Variants in ERC2 observed in about 807,000 individuals in gnomAD.
The protein encoded by ERC2 is ELKS/RAB6-interacting/CAST family member 2.
A neutral mutation model predicts 114.8 loss-of-function variants in ERC2; 42 were observed. That is an observed-to-expected ratio of 0.37 (90% CI 0.29 to 0.47). The LOEUF is 0.47. Among genes scored for constraint, ERC2 ranks in the 20% least tolerant of loss-of-function variants. The pLI is 0.99. For synonymous variants in ERC2, 454 were observed against 425.5 expected (o/e 1.07, Z -0.82); for missense variants, 939 against 1,150.7 (o/e 0.82, Z 2.66).
intron 16 of ERC2, among the ~76,000 whole-genome samples, chr3:55,693,544 G>C (rs1055997725): frequency 3.9e-5 from 6 of 152,130 alleles, no homozygotes; most frequent in African/African-American, 1.4e-4. Context: ...ATAGAAGCAG[G>C]AGAGTTTGCA....
At chr3:55,932,486 C>T (rs540162028) in intron 13 of ERC2, among the ~76,000 whole-genome samples, 1 of 152,110 alleles carries the variant, frequency 6.6e-6, no homozygotes, top group East Asian at 1.9e-4. Flanking sequence ...AGGCTGTGCT[C>T]GTTCTCACCT....
intron 6 of ERC2, among the ~76,000 whole-genome samples, chr3:56,100,359 C>T (rs2078286425): frequency 1.3e-5 from 2 of 152,080 alleles, no homozygotes; most frequent in African/African-American, 4.8e-5. Flanking sequence ...TACCAATGCC[C>T]TCTGATGACC....
chr3:55,550,720 A>G (rs58925976), intron 17 of ERC2, among the ~76,000 whole-genome samples: 10,834 of 152,204 alleles, frequency 0.071, 573 homozygotes, highest in African/African-American at 0.14. Context: ...AAACAGATAT[A>G]ATTTAAGAAA....
chr3:55,563,098 G>T (rs72870459), intron 17 of ERC2, among the ~76,000 whole-genome samples: 1,730 of 152,254 alleles, frequency 0.011, 34 homozygotes, highest in African/African-American at 0.039. Flanking sequence ...CAAGGAAAAG[G>T]CCTGAATATC....
At chr3:56,052,068 G>T (rs1365617164) in intron 7 of ERC2, among the ~76,000 whole-genome samples, 1 of 152,096 alleles carries the variant, frequency 6.6e-6, no homozygotes, top group Non-Finnish European at 1.5e-5. Flanking sequence ...CGCTTTAAAA[G>T]AAACTACAAA....
At chr3:56,004,798 T>G (rs562791711) in intron 10 of ERC2, among the ~76,000 whole-genome samples, 129 of 152,138 alleles carry the variant, frequency 8.5e-4, no homozygotes, top group African/African-American at 3.0e-3. Flanking sequence ...CAGCTTTCAT[T>G]TAGTAAACTT....
chr3:55,799,319 ATTTTCCTTC>A (rs962991622), intron 14 of ERC2, among the ~76,000 whole-genome samples: 40 of 149,894 alleles, frequency 2.7e-4, no homozygotes, highest in African/African-American at 9.1e-4. Flanking sequence ...GTGTGTGTAG[ATTTTCCTTC>A]TTTTCCTTCG....
At chr3:55,536,258 T>C (rs2053994333) in intron 17 of ERC2, among the ~76,000 whole-genome samples, 1 of 152,140 alleles carries the variant, frequency 6.6e-6, no homozygotes, top group South Asian at 2.1e-4. Flanking sequence ...AAACTCACTG[T>C]CCAGACCTCA....
intron 2 of ERC2, among the ~76,000 whole-genome samples, chr3:56,347,071 A>C (rs570317064): frequency 1.3e-5 from 2 of 152,296 alleles, no homozygotes; most frequent in South Asian, 4.1e-4. Flanking sequence ...CTTGCAGTGT[A>C]TTACAAAGAA....
intron 10 of ERC2, among the ~76,000 whole-genome samples, chr3:55,997,167 C>T (rs764776862): frequency 6.4e-4 from 98 of 152,174 alleles, no homozygotes; most frequent in Admixed American, 2.2e-3. Flanking sequence ...TCAAAATAAA[C>T]AAATAATTAA....
At chr3:56,345,776 A>G (rs1219782148) in intron 2 of ERC2, among the ~76,000 whole-genome samples, 1 of 152,210 alleles carries the variant, frequency 6.6e-6, no homozygotes, top group Non-Finnish European at 1.5e-5. Context: ...CCCCACATGC[A>G]TGCCCACACT....
intron 13 of ERC2, among the ~76,000 whole-genome samples, chr3:55,890,065 A>C (rs1262719955): frequency 6.6e-6 from 1 of 152,210 alleles, no homozygotes; most frequent in Non-Finnish European, 1.5e-5. Context: ...AAAGTGACAA[A>C]ACCACCCCTA....
rs541457139 is a variant in ERC2 at position 56,317,694 on chromosome 3, C to T, written c.658-21259G>A. On this transcript the variant is annotated intron_variant, in intron 2 of 17. Transcript: ENST00000288221. Reference sequence around the variant, plus strand: ...CAGGCACTGGGGATATAACAATGAGCGAGACACAGTACCTGACCTCATAGA... The same window carrying T: ...CAGGCACTGGGGATATAACAATGAGTGAGACACAGTACCTGACCTCATAGA... 2.6e-4 allele frequency among the ~76,000 whole-genome samples: 39 copies of T among 152,132 alleles called. No homozygotes were observed. In the South Asian group the frequency reaches 6.7e-3, roughly 26 times the overall value.
At chr3:55,768,363 G>A (rs114512694) in intron 14 of ERC2, among the ~76,000 whole-genome samples, 3,624 of 152,264 alleles carry the variant, frequency 0.024, 68 homozygotes, top group Non-Finnish European at 0.033. Context: ...TTCCACTCAA[G>A]AACTACTTAA....
At chr3:56,357,021 G>A (rs967355715) in intron 2 of ERC2, among the ~76,000 whole-genome samples, 12 of 152,176 alleles carry the variant, frequency 7.9e-5, no homozygotes, top group African/African-American at 2.4e-4. Flanking sequence ...CAACTCTTCT[G>A]TAAACAAGCA....
At chr3:55,648,104 G>A (rs566748047) in intron 17 of ERC2, among the ~76,000 whole-genome samples, 1 of 152,312 alleles carries the variant, frequency 6.6e-6, no homozygotes, top group Non-Finnish European at 1.5e-5. Context: ...TAGGTTGGAA[G>A]GGTTATTCTT....
chr3:56,407,767 T>C (rs9880091), intron 2 of ERC2, among the ~76,000 whole-genome samples: 59,020 of 151,932 alleles, frequency 0.39, 11,993 homozygotes, highest in Admixed American at 0.5. Flanking sequence ...TCAGAATCTC[T>C]GATGATGGGC....
intron 7 of ERC2, among the ~76,000 whole-genome samples, chr3:56,069,974 C>G (rs1372562907): frequency 6.6e-6 from 1 of 152,164 alleles, no homozygotes; most frequent in Non-Finnish European, 1.5e-5. Context: ...TAGAAAAATG[C>G]TATTACCCAC....
intron 14 of ERC2, among the ~76,000 whole-genome samples, chr3:55,789,424 C>T (rs1275270980): frequency 6.6e-6 from 1 of 152,200 alleles, no homozygotes; most frequent in African/African-American, 2.4e-5. Flanking sequence ...GAGATTTACA[C>T]AGATAAGATC....
Sources: gnomAD v4.1 joint callset for allele counts (sites outside exome capture counted in the v4.1 genomes callset) on GRCh38, gnomAD v4.1.1 for gene constraint, MANE v1.5 for transcripts, NCBI Gene and HGNC (gene_info 2026-07-23, HGNC 2026-07-21) for gene names.